PTPRR: variants seen among roughly 807,000 people sequenced by gnomAD.
The protein encoded by PTPRR is protein tyrosine phosphatase receptor type R.
Under a neutral mutation model 77.2 loss-of-function variants are expected in PTPRR, and 38 were observed. The ratio of observed to expected loss-of-function variants is 0.49; its 90% CI spans 0.38 to 0.65. The LOEUF is 0.65. PTPRR is among the 30% of genes least tolerant of loss of function. The pLI is 0.00. For synonymous variants in PTPRR, 299 were observed against 283.1 expected (o/e 1.06, Z -0.57); for missense variants, 744 against 799.2 (o/e 0.93, Z 0.83).
intron 1 of PTPRR, among the ~76,000 whole-genome samples, chr12:70,912,492 T>C (rs948485612): frequency 1.3e-5 from 2 of 152,090 alleles, no homozygotes; most frequent in African/African-American, 4.8e-5. Context: ...AAATAAAAAA[T>C]AAAATAGAAA....
At chr12:70,767,698 T>A (rs564300526) in intron 2 of PTPRR, among the ~76,000 whole-genome samples, 14 of 152,282 alleles carry the variant, frequency 9.2e-5, no homozygotes, top group African/African-American at 3.1e-4. Flanking sequence ...CCATCCCAAA[T>A]CAACAGAATA....
chr12:70,843,761 ATTAAG>A (rs1315900048), intron 2 of PTPRR, among the ~76,000 whole-genome samples: 7 of 151,970 alleles, frequency 4.6e-5, no homozygotes, highest in Non-Finnish European at 8.8e-5. Context: ...TTCTATGAAA[ATTAAG>A]TTGAGAGCTT....
At chr12:70,656,842 A>T in intron 12 of PTPRR, 25 bp from the exon 13 acceptor site, 2 of 1,459,566 alleles carry the variant, frequency 1.4e-6, no homozygotes, top group South Asian at 1.2e-5. Flanking sequence ...AAAGAAATTT[A>T]AAAAGTGGGG....
chr12:70,800,512 AC>A lies in PTPRR; in HGVS notation c.358-35735del, dbSNP rs377717329. On this transcript the variant is annotated intron_variant, in intron 2 of 13. Transcript: ENST00000283228. The stretch of plus-strand genomic sequence containing the variant: ...TTGCTATGTCCCAGTCACTGCAAAT[AC>A]ACTTAACACATTGACCCAATTAATC... Among the ~76,000 whole-genome samples, 163 of 152,310 alleles carry A rather than the reference AC, an allele frequency of 1.1e-3. 1 individual carries two copies. Among genetic ancestry groups the A allele is most frequent in the African/African-American group, 3.8e-3 (157 of 41,578 alleles).
At chr12:70,655,440 A>G (rs149260898) in intron 13 of PTPRR, among the ~76,000 whole-genome samples, 4,719 of 152,326 alleles carry the variant, frequency 0.031, 99 homozygotes, top group Non-Finnish European at 0.046. Flanking sequence ...AGATATTTGC[A>G]TACGCATGTT....
At chr12:70,794,863 G>T (rs1056489158) in intron 2 of PTPRR, among the ~76,000 whole-genome samples, 1 of 151,896 alleles carries the variant, frequency 6.6e-6, no homozygotes, top group Non-Finnish European at 1.5e-5. Context: ...CCCCATAGAA[G>T]GTGACCCGGA....
chr12:70,736,362 T>A (rs1889861467), intron 6 of PTPRR, among the ~76,000 whole-genome samples: 1 of 152,178 alleles, frequency 6.6e-6, no homozygotes. Flanking sequence ...ATATACCTAC[T>A]TGCTAAATAT....
chr12:70,654,137 T>C (rs1339584320), intron 13 of PTPRR, among the ~76,000 whole-genome samples: 1 of 152,202 alleles, frequency 6.6e-6, no homozygotes, highest in Non-Finnish European at 1.5e-5. Context: ...AAACATTTAT[T>C]GAGGGCTTAC....
At chr12:70,667,413 G>T (rs758205455) in intron 10 of PTPRR, among the ~76,000 whole-genome samples, 2 of 152,114 alleles carry the variant, frequency 1.3e-5, no homozygotes, top group Non-Finnish European at 2.9e-5. Flanking sequence ...TTGTTTGGGC[G>T]CAGTCAGCAT....
intron 2 of PTPRR, among the ~76,000 whole-genome samples, chr12:70,865,876 C>T (rs35216236): frequency 0.019 from 2,868 of 152,108 alleles, 37 homozygotes; most frequent in Middle Eastern, 0.034. Flanking sequence ...GAAGCCATGA[C>T]GCAACCACCT....
chr12:70,662,871 CA>C (rs202044442), intron 10 of PTPRR, among the ~76,000 whole-genome samples: 68 of 134,364 alleles, frequency 5.1e-4, no homozygotes, highest in Middle Eastern at 3.7e-3. Flanking sequence ...TGGCTCCATA[CA>C]AAAAAAAAAG....
intron 12 of PTPRR, among the ~76,000 whole-genome samples, chr12:70,658,878 C>G (rs1244214395): frequency 1.2e-5 from 1 of 85,642 alleles, no homozygotes; most frequent in African/African-American, 4.4e-5. Context: ...GGGACTTTTG[C>G]TCTAGTTTTT....
chr12:70,849,658 A>G (rs1462767648), intron 2 of PTPRR, among the ~76,000 whole-genome samples: 1 of 152,268 alleles, frequency 6.6e-6, no homozygotes. Context: ...AAGAAAATCT[A>G]TCAGTCTACA....
intron 1 of PTPRR, among the ~76,000 whole-genome samples, chr12:70,918,082 C>A (rs771980644): frequency 4.7e-4 from 71 of 152,330 alleles, no homozygotes; most frequent in Admixed American, 1.1e-3. Context: ...TGATCTTTGT[C>A]ATCCCATCCA....
At chr12:70,727,364 C>A (rs992147231) in intron 6 of PTPRR, among the ~76,000 whole-genome samples, 1 of 151,528 alleles carries the variant, frequency 6.6e-6, no homozygotes. Context: ...TGATTGAAGA[C>A]CTTAATTATA....
rs148726766 is a variant in PTPRR, at chr12:70,833,617, T to C, written c.357+59062A>G. 6.5e-3 allele frequency among the ~76,000 whole-genome samples: 985 copies of C among 152,292 alleles called. 4 individuals are homozygous for C. The highest frequency in any genetic ancestry group is 0.058 in the Middle Eastern group (17 of 294). ...GTCTCACTCCGATCACTGTTGTTCC[T>C]CAGAGACTTAAATCCCACCATAAGC... On this transcript the variant is annotated intron_variant, in intron 2 of 13. Transcript: ENST00000283228.
intron 2 of PTPRR, among the ~76,000 whole-genome samples, chr12:70,774,306 G>A (rs773703502): frequency 6.6e-6 from 1 of 152,172 alleles, no homozygotes; most frequent in Non-Finnish European, 1.5e-5. Flanking sequence ...CCCCTCAAGG[G>A]GGTTGTGTAC....
Position 70,761,550 on chromosome 12 carries a change from T to C in PTPRR, c.548A>G (p.Glu183Gly). ...KTGISDALPS[E>G]EVLRSLNINV... Reference sequence around the variant, plus strand: ...GATATTAAGTGAACGAAGAACTTCCTCAGAGGGCAGAGCATCAGAAATTCC... The same window carrying C: ...GATATTAAGTGAACGAAGAACTTCCCCAGAGGGCAGAGCATCAGAAATTCC... Residue 183 changes from glutamate (E) to glycine (G), a missense_variant, in exon 4 of 14, where the codon GAG (glutamate) becomes GGG (glycine). Around this residue, in one of 3 missense-constraint regions of PTPRR, gnomAD observed 570 missense variants for 573.2 expected, o/e 0.99. Coordinates refer to ENST00000283228, the MANE Select transcript of PTPRR (RefSeq NM_002849.4). 6.2e-7 allele frequency: 1 copy of C among 1,612,600 alleles called. No homozygotes were observed. Among genetic ancestry groups the C allele is most frequent in the Non-Finnish European group, 8.5e-7 (1 of 1,179,114 alleles).
At chr12:70,746,258 AC>A (rs1359835953) in intron 5 of PTPRR, among the ~76,000 whole-genome samples, 172 bp from the exon 6 acceptor site, 1 of 152,228 alleles carries the variant, frequency 6.6e-6, no homozygotes, top group African/African-American at 2.4e-5. Context: ...TTTTCTCAAG[AC>A]AGTACACTTG....
Sources: gnomAD v4.1 joint callset for allele counts (sites outside exome capture counted in the v4.1 genomes callset) on GRCh38, gnomAD v4.1.1 for gene constraint, gnomAD v4.1.1 regional missense constraint, MANE v1.5 for transcripts, NCBI Gene and HGNC (gene_info 2026-07-23, HGNC 2026-07-21) for gene names.